The following RHAG variants were observed in gnomAD, a reference collection of about 807,000 sequenced individuals.
RHAG encodes Rh associated glycoprotein, also known as ammonium transporter Rh type A.
In RHAG, 25 loss-of-function variants were observed where a neutral mutation model predicts 42.4. That is an observed-to-expected ratio of 0.59 (90% CI 0.43 to 0.82). The LOEUF is 0.82. Among genes scored for constraint, RHAG ranks in the 40% least tolerant of loss-of-function variants. The pLI, the probability that RHAG is intolerant of heterozygous loss-of-function variation, is 0.00. For synonymous variants in RHAG, 182 were observed against 177.7 expected, an observed-to-expected ratio of 1.02 and a Z score of -0.19; for missense variants, 483 against 504.6, an observed-to-expected ratio of 0.96 and a Z score of 0.41.
intron 4 of RHAG, chr6:49,615,158 G>A (rs1762632603): frequency 6.2e-6 from 2 of 324,514 alleles, no homozygotes; most frequent in Admixed American, 4.3e-5. Flanking sequence ...CAGCATGTTG[G>A]TCAGGCTGGT....
chr6:49,619,280 C>A lies in RHAG; in HGVS notation c.240G>T (p.Val80=). ...TFLKKYGFSS[V]GINLLVAALG... ...AAGCAGCAACGAGTAGGTTGATACC[C>A]ACACTGCTGAAGCCATATTTCTTCA... The change falls in exon 2 of 10, where the codon GTG becomes GTT. Residue 80 remains valine, a synonymous_variant. Transcript: ENST00000371175. The A allele has an allele frequency of 6.2e-7, 1 of 1,614,108 alleles. No individual in the cohort carries two copies. Among genetic ancestry groups the A allele is most frequent in the Non-Finnish European group, 8.5e-7 (1 of 1,179,996 alleles).
intron 1 of RHAG, among the ~76,000 whole-genome samples, chr6:49,633,786 T>G (rs936329692): frequency 2.0e-5 from 3 of 152,162 alleles, no homozygotes; most frequent in Non-Finnish European, 2.9e-5. Context: ...AAACATCTCT[T>G]GTCCAAATGC....
intron 1 of RHAG, among the ~76,000 whole-genome samples, chr6:49,624,552 G>A (rs984036450): frequency 1.3e-5 from 2 of 152,172 alleles, no homozygotes; most frequent in African/African-American, 4.8e-5. Flanking sequence ...CACTGTATTA[G>A]CTCTATGCTA....
intron 5 of RHAG, 48 bp downstream of exon 5, chr6:49,614,639 G>A: frequency 6.4e-7 from 1 of 1,550,594 alleles, no homozygotes; most frequent in Non-Finnish European, 8.9e-7. Flanking sequence ...CTGAGCAACT[G>A]TCAGTGTTGT....
At chr6:49,621,004 T>C (rs1459025917) in intron 1 of RHAG, among the ~76,000 whole-genome samples, 1 of 152,172 alleles carries the variant, frequency 6.6e-6, no homozygotes, top group African/African-American at 2.4e-5. Context: ...TTTCCTGATT[T>C]CTCCATTCAT....
rs1244070744 is a variant in RHAG, at chr6:49,606,828, T to C, written c.1212+20A>G. 1.3e-6 allele frequency: 2 copies of C among 1,522,156 alleles called. No homozygotes were observed. Among genetic ancestry groups the C allele is most frequent in the Non-Finnish European group, 9.1e-7 (1 of 1,096,528 alleles). The allele number at this position is 1,522,156 out of a possible 1,614,324, so 94.3% of individuals were successfully genotyped here. A position where few individuals can be genotyped will look rare whatever the true frequency, so the allele number is the denominator to read the frequency against. On this transcript the variant is annotated intron_variant, in intron 9 of 9. Coordinates refer to ENST00000371175, the MANE Select transcript of RHAG (RefSeq NM_000324.3). ...AATGGAGTCATCGTTCACATTCTTGTTTAGAATACTGTACAGTACCTTCCA... is the reference window on the plus strand; with the variant it reads ...AATGGAGTCATCGTTCACATTCTTGCTTAGAATACTGTACAGTACCTTCCA...
chr6:49,616,517 T>C (rs1408264671), intron 3 of RHAG, among the ~76,000 whole-genome samples: 3 of 152,256 alleles, frequency 2.0e-5, no homozygotes, highest in Non-Finnish European at 4.4e-5. Flanking sequence ...TATGATGACA[T>C]GAAAACCAGC....
chr6:49,616,263 T>A (rs552684913), intron 3 of RHAG, among the ~76,000 whole-genome samples: 1 of 148,780 alleles, frequency 6.7e-6, no homozygotes, highest in African/African-American at 2.5e-5. Flanking sequence ...GGCAGGAGAA[T>A]GACTTGAGCC....
At chr6:49,628,920 G>C (rs1762888956) in intron 1 of RHAG, among the ~76,000 whole-genome samples, 1 of 152,118 alleles carries the variant, frequency 6.6e-6, no homozygotes, top group African/African-American at 2.4e-5. Context: ...ATTGTGGAAG[G>C]GGACCAGAGT....
At chr6:49,629,741 G>A (rs936160518) in intron 1 of RHAG, among the ~76,000 whole-genome samples, 2 of 152,218 alleles carry the variant, frequency 1.3e-5, no homozygotes, top group Non-Finnish European at 2.9e-5. Context: ...AGCGCAGGTG[G>A]GCTGGCACTG....
chr6:49,636,783 T>G lies in RHAG; in HGVS notation c.30A>C (p.Ile10=). MRFTFPLMA[I]VLEIAMIVLF... is the part of the protein sequence containing the mutation. ...AAACAATCATGGCAATTTCCAGGAC[T>G]ATAGCCATGAGAGGGAATGTGAACC... The change falls in exon 1 of 10, where the codon ATA becomes ATC. Residue 10 remains isoleucine, a synonymous_variant. Transcript: ENST00000371175. The G allele has an allele frequency of 6.2e-7, 1 of 1,613,890 alleles. No homozygotes were observed. The highest frequency in any genetic ancestry group is 8.5e-7 in the Non-Finnish European group (1 of 1,179,786).
chr6:49,608,278 A>T (rs1762507762), intron 7 of RHAG, among the ~76,000 whole-genome samples: 2 of 152,202 alleles, frequency 1.3e-5, no homozygotes, highest in Non-Finnish European at 2.9e-5. Context: ...TCATATTTTT[A>T]AAAATGCTGT....
chr6:49,619,033 A>T (rs571274204), intron 2 of RHAG, 146 bp downstream of exon 2: 1 of 874,934 alleles, frequency 1.1e-6, no homozygotes, highest in East Asian at 2.6e-5. Context: ...TCACAAGGAC[A>T]CTGATCCCAT....
intron 3 of RHAG, among the ~76,000 whole-genome samples, chr6:49,615,988 G>T (rs1251835216): frequency 6.6e-6 from 1 of 152,154 alleles, no homozygotes; most frequent in East Asian, 1.9e-4. Flanking sequence ...TCCTAGGTCA[G>T]TTACTTCCTT....
chr6:49,614,843 A>G lies in RHAG; in HGVS notation c.651T>C (p.Phe217=). 6.2e-7 allele frequency: 1 copy of G among 1,614,222 alleles called. No homozygotes were observed. Among genetic ancestry groups the G allele is most frequent in the African/African-American group, 1.3e-5 (1 of 75,058 alleles). Residue 217 remains phenylalanine, a synonymous_variant, in exon 5 of 10, where the codon TTT becomes TTC. Transcript: ENST00000371175. The stretch of plus-strand genomic sequence containing the variant: ...TAAAGCTGGGCCAAAACATCCACAG[A>G]AAGAGAGTCCCTGTAGTGAACCAAA... ...SDLFAMIGTL[F]LWMFWPSFNS...
At chr6:49,614,146 C>T (rs1268285) in intron 5 of RHAG, among the ~76,000 whole-genome samples, 145,516 of 152,222 alleles carry the variant, frequency 0.96, 69,603 homozygotes, top group East Asian at 1. Flanking sequence ...GACTGTAAAT[C>T]CCTTGAGAAC....
chr6:49,629,702 C>T (rs1762904376), intron 1 of RHAG, among the ~76,000 whole-genome samples: 1 of 152,206 alleles, frequency 6.6e-6, no homozygotes, highest in Non-Finnish European at 1.5e-5. Context: ...CACGGGAAGG[C>T]AGCTAAGGCC....
chr6:49,612,165 C>A (rs1176888192), intron 6 of RHAG, among the ~76,000 whole-genome samples: 1 of 152,120 alleles, frequency 6.6e-6, no homozygotes, highest in Admixed American at 6.6e-5. Flanking sequence ...ACATTTAATT[C>A]AAACTAAATT....
At chr6:49,608,378 C>T (rs995386075) in intron 7 of RHAG, among the ~76,000 whole-genome samples, 5 of 152,110 alleles carry the variant, frequency 3.3e-5, no homozygotes, top group Non-Finnish European at 4.4e-5. Flanking sequence ...TAGTAAAAGG[C>T]TACATATACC....
Sources: gnomAD v4.1 joint callset for allele counts (sites outside exome capture counted in the v4.1 genomes callset) on GRCh38, gnomAD v4.1.1 for gene constraint, MANE v1.5 for transcripts, NCBI Gene and HGNC (gene_info 2026-07-23, HGNC 2026-07-21) for gene names.